MTHFD2L: variants seen among roughly 807,000 people sequenced by gnomAD.
The protein encoded by MTHFD2L is methylenetetrahydrofolate dehydrogenase (NADP+ dependent) 2 like, also known as bifunctional methylenetetrahydrofolate dehydrogenase/cyclohydrolase 2, mitochondrial.
A neutral mutation model predicts 34.9 loss-of-function variants in MTHFD2L; 29 were observed. That is an observed-to-expected ratio of 0.83 (90% CI 0.62 to 1.13). The LOEUF (loss-of-function observed/expected upper bound fraction) is 1.13. MTHFD2L is among the 50% of genes most tolerant of loss of function. The probability of loss-of-function intolerance (pLI) is 0.00; values close to 1 mark genes in which losing one functional copy is unlikely to be tolerated. For missense variants in MTHFD2L, 481 were observed against 446.5 expected, an observed-to-expected ratio of 1.08 and a Z score of -0.70; for synonymous variants, 167 against 155.7, an observed-to-expected ratio of 1.07 and a Z score of -0.54.
chr4:74,256,105 T>C (rs1743993232), intron 6 of MTHFD2L, among the ~76,000 whole-genome samples: 1 of 152,188 alleles, frequency 6.6e-6, no homozygotes, highest in African/African-American at 2.4e-5. Flanking sequence ...CTAAACTAAT[T>C]TACATTCCCA....
At chr4:74,229,072 G>C (rs923172096) in intron 6 of MTHFD2L, among the ~76,000 whole-genome samples, 1 of 152,170 alleles carries the variant, frequency 6.6e-6, no homozygotes, top group Non-Finnish European at 1.5e-5. Flanking sequence ...GTAGAAGACA[G>C]ATTTGTATGT....
intron 6 of MTHFD2L, among the ~76,000 whole-genome samples, chr4:74,226,945 G>C (rs1022747936): frequency 2.7e-4 from 41 of 152,156 alleles, no homozygotes; most frequent in African/African-American, 8.9e-4. Flanking sequence ...TAGATTGATT[G>C]ATTGGTGAAG....
chr4:74,298,609 A>G (rs1749915074), intron 7 of MTHFD2L, among the ~76,000 whole-genome samples: 1 of 152,086 alleles, frequency 6.6e-6, no homozygotes, highest in South Asian at 2.1e-4. Flanking sequence ...GACACCAGGA[A>G]TAAAGCAACT....
intron 3 of MTHFD2L, among the ~76,000 whole-genome samples, chr4:74,191,814 C>T (rs1457947205): frequency 2.6e-5 from 4 of 152,066 alleles, no homozygotes; most frequent in Non-Finnish European, 5.9e-5. Context: ...GCCTCAGCCT[C>T]CCAAAGTGCT....
intron 1 of MTHFD2L, among the ~76,000 whole-genome samples, chr4:74,139,853 T>C (rs1723173292): frequency 6.6e-6 from 1 of 152,220 alleles, no homozygotes. Context: ...TAGTAAATGT[T>C]TGTTGTCATT....
intron 5 of MTHFD2L, among the ~76,000 whole-genome samples, chr4:74,214,035 C>T (rs567449047): frequency 1.8e-4 from 28 of 151,848 alleles, no homozygotes; most frequent in Admixed American, 3.9e-4. Context: ...ACAAAGTTCT[C>T]GTGCTGTGTT....
chr4:74,139,133 A>G (rs945006437), intron 1 of MTHFD2L, among the ~76,000 whole-genome samples: 2 of 152,166 alleles, frequency 1.3e-5, no homozygotes, highest in African/African-American at 4.8e-5. Flanking sequence ...ATTTACCTGT[A>G]GAATTTCTTA....
chr4:74,268,330 T>G, intron 6 of MTHFD2L: 1 of 845,166 alleles, frequency 1.2e-6, no homozygotes, highest in Non-Finnish European at 1.4e-6. Context: ...TTATCTTTAT[T>G]TATGTAGTAG....
chr4:74,237,138 G>C (rs1740965792), intron 6 of MTHFD2L, among the ~76,000 whole-genome samples: 1 of 152,088 alleles, frequency 6.6e-6, no homozygotes, highest in African/African-American at 2.4e-5. Context: ...GAAGGAGAAA[G>C]GAAATACAAA....
intron 3 of MTHFD2L, among the ~76,000 whole-genome samples, chr4:74,199,172 T>C (rs950578337): frequency 6.6e-6 from 1 of 152,146 alleles, no homozygotes; most frequent in Non-Finnish European, 1.5e-5. Context: ...CCATATTTCA[T>C]TTGATTACTT....
chr4:74,119,796 A>G (rs1162832559), upstream of MTHFD2L, among the ~76,000 whole-genome samples: 1 of 152,122 alleles, frequency 6.6e-6, no homozygotes, highest in Non-Finnish European at 1.5e-5. Context: ...AAAAAACAAA[A>G]AAAACAAAAT....
At chr4:74,155,886 T>G (rs949731506), upstream of MTHFD2L, among the ~76,000 whole-genome samples, 4 of 137,528 alleles carry the variant, frequency 2.9e-5, no homozygotes, top group Non-Finnish European at 6.2e-5. Context: ...TTTTTAGTAC[T>G]GAAAAAGCCA....
chr4:74,122,810 G>C (rs1721828672), upstream of MTHFD2L, among the ~76,000 whole-genome samples: 1 of 152,074 alleles, frequency 6.6e-6, no homozygotes, highest in African/African-American at 2.4e-5. Context: ...GTCATAATTT[G>C]AATAAAATCT....
At chr4:74,176,994 A>T (rs1578357904) in intron 3 of MTHFD2L, among the ~76,000 whole-genome samples, 4 of 152,012 alleles carry the variant, frequency 2.6e-5, no homozygotes, top group African/African-American at 9.7e-5. Flanking sequence ...TCAAAAATTC[A>T]TACTTCTAAT....
intron 6 of MTHFD2L, among the ~76,000 whole-genome samples, chr4:74,256,454 CAT>C (rs1744040882): frequency 1.3e-5 from 2 of 152,078 alleles, no homozygotes; most frequent in Non-Finnish European, 2.9e-5. Flanking sequence ...AGGACTTAGT[CAT>C]AAATTCCTTC....
chr4:74,240,770 T>G (rs923463700), intron 6 of MTHFD2L, among the ~76,000 whole-genome samples: 2 of 152,208 alleles, frequency 1.3e-5, no homozygotes, highest in Non-Finnish European at 2.9e-5. Flanking sequence ...GATGACCCAT[T>G]TCCAATCACT....
intron 4 of MTHFD2L, among the ~76,000 whole-genome samples, chr4:74,200,789 T>C (rs1030476152): frequency 1.3e-5 from 2 of 152,170 alleles, no homozygotes; most frequent in Admixed American, 6.5e-5. Flanking sequence ...CAGGCTTTAT[T>C]TTTTTACATC....
At chr4:74,291,727 A>T (rs1748991143) in intron 7 of MTHFD2L, among the ~76,000 whole-genome samples, 3 of 152,190 alleles carry the variant, frequency 2.0e-5, no homozygotes, top group East Asian at 3.9e-4. Flanking sequence ...GTTCTACAAC[A>T]TGGGAAAGTA....
chr4:74,223,499 G>A (rs999745832), intron 5 of MTHFD2L, among the ~76,000 whole-genome samples: 17 of 151,862 alleles, frequency 1.1e-4, no homozygotes, highest in African/African-American at 4.1e-4. Flanking sequence ...AGGGAATTAG[G>A]AAAACTAATT....
Sources: gnomAD v4.1 joint callset for allele counts (sites outside exome capture counted in the v4.1 genomes callset) on GRCh38, gnomAD v4.1.1 for gene constraint, MANE v1.5 for transcripts, NCBI Gene and HGNC (gene_info 2026-07-23, HGNC 2026-07-21) for gene names.